Variants in DST observed in about 807,000 individuals in gnomAD.
DST encodes dystonin.
In DST, 253 loss-of-function variants were observed where a neutral mutation model predicts 875.2. The ratio of observed to expected loss-of-function variants is 0.29; its 90% confidence interval spans 0.26 to 0.32. DST has a LOEUF of 0.32. Ranked by LOEUF, DST falls within the 10% of genes least tolerant of loss-of-function variation. The probability of loss-of-function intolerance (pLI) is 1.00; values close to 1 mark genes in which losing one functional copy is unlikely to be tolerated. For synonymous variants in DST, 3,124 were observed against 3,197.1 expected (o/e 0.98, Z 0.77); for missense variants, 8,287 against 9,111.6 (o/e 0.91, Z 3.68).
At position 56,602,912 on chromosome 6, in the gene DST, C is replaced by T. The variant is rs2098459007; in HGVS notation, c.11277G>A (p.Glu3759=). The T allele has an allele frequency of 6.4e-7, 1 of 1,561,932 alleles. No homozygotes were observed. The change falls in exon 43 of 104, where the codon GAG becomes GAA. Residue 3759 remains glutamate (E), a synonymous_variant. Transcript: ENST00000680361. The part of the protein sequence containing the change: ...DIEIVNVQDS[E]YVKKRLEFLK... The stretch of plus-strand genomic sequence containing the variant: ...GAAACTCCAAACGTTTCTTTACATA[C>T]TCAGAATCTTGAACATTCACAATCT...
intron 4 of DST, among the ~76,000 whole-genome samples, chr6:56,832,028 G>C (rs1011267879): frequency 6.6e-6 from 1 of 152,100 alleles, no homozygotes; most frequent in Non-Finnish European, 1.5e-5. Flanking sequence ...AAATGGAAAG[G>C]GATATATAAG....
At chr6:56,796,015 G>A (rs565468277) in intron 4 of DST, among the ~76,000 whole-genome samples, 1 of 152,278 alleles carries the variant, frequency 6.6e-6, no homozygotes, top group East Asian at 1.9e-4. Context: ...GGATCCAGCA[G>A]AAAGGGATCT....
intron 5 of DST, among the ~76,000 whole-genome samples, chr6:56,721,889 G>A (rs1191183632): frequency 6.6e-6 from 1 of 152,146 alleles, no homozygotes; most frequent in East Asian, 1.9e-4. Flanking sequence ...CTAAGGCAGA[G>A]GTCAGCAAAC....
intron 4 of DST, among the ~76,000 whole-genome samples, chr6:56,800,698 TAAAAAATAAAAACAA>T (rs1230818069): frequency 3.3e-5 from 5 of 151,874 alleles, no homozygotes; most frequent in African/African-American, 9.7e-5. Context: ...AACAACCTGA[TAAAAAATAAAAACAA>T]AAAAAATAAA....
chr6:56,674,622 C>A (rs1000698984), intron 9 of DST, among the ~76,000 whole-genome samples: 1 of 152,090 alleles, frequency 6.6e-6, no homozygotes, highest in Non-Finnish European at 1.5e-5. Context: ...TTAAAACTTA[C>A]ATAATAACAA....
chr6:56,473,997 G>A lies in DST; in HGVS notation c.21870C>T (p.Phe7290=). The change falls in exon 93 of 104, where the codon TTC becomes TTT. Residue 7290 remains phenylalanine (F), a synonymous_variant. Coordinates refer to ENST00000680361, the MANE Select transcript of DST (RefSeq NM_001374736.1). The stretch of plus-strand genomic sequence containing the variant: ...GCTGTTTTCTGGTCATTTCCTCCAT[G>A]AAGGTCTGAAATGAAAGAAATGATG... ...VKALIAEHQT[F]MEEMTRKQPD... 6.4e-7 allele frequency: 1 copy of A among 1,574,174 alleles called. No individual in the cohort carries two copies. Among genetic ancestry groups the A allele is most frequent in the Non-Finnish European group, 8.6e-7 (1 of 1,157,710 alleles).
chr6:56,487,028 G>T (rs917117523), intron 87 of DST, 76 bp downstream of exon 87: 20 of 1,429,554 alleles, frequency 1.4e-5, no homozygotes, highest in Middle Eastern at 1.8e-4. Flanking sequence ...TTCCCGAAAT[G>T]TCCCCGCAAA....
intron 4 of DST, among the ~76,000 whole-genome samples, chr6:56,763,637 G>A (rs971716838): frequency 6.7e-6 from 1 of 148,946 alleles, no homozygotes; most frequent in East Asian, 2.0e-4. Context: ...ACACCACTGC[G>A]CTCCAGCCGA....
chr6:56,648,725 G>A, intron 12 of DST, 36 bp from the exon 13 acceptor site: 2 of 1,512,266 alleles, frequency 1.3e-6, no homozygotes, highest in Non-Finnish European at 1.8e-6. Flanking sequence ...GTTCACATCT[G>A]TAGATAATAA....
At chr6:56,831,443 A>T (rs146391571) in intron 4 of DST, among the ~76,000 whole-genome samples, 32 of 152,266 alleles carry the variant, frequency 2.1e-4, no homozygotes, top group Non-Finnish European at 1.8e-4. Context: ...CTCTGTCTGC[A>T]CCATCCACCC....
chr6:56,793,727 A>C (rs1386438668), intron 4 of DST, among the ~76,000 whole-genome samples: 1 of 152,196 alleles, frequency 6.6e-6, no homozygotes, highest in Non-Finnish European at 1.5e-5. Context: ...TAATACAATC[A>C]ATTTACCAAA....
intron 3 of DST, chr6:56,863,300 C>G (rs1772278249): frequency 6.6e-6 from 1 of 152,172 alleles, no homozygotes; most frequent in Admixed American, 6.5e-5. Flanking sequence ...TTTTGGGGAA[C>G]ATAATAGTCA....
chr6:56,778,931 T>TA (rs2099685794), intron 4 of DST, among the ~76,000 whole-genome samples: 1 of 152,088 alleles, frequency 6.6e-6, no homozygotes, highest in South Asian at 2.1e-4. Flanking sequence ...ATGGTATTTC[T>TA]AGTTCTAGAT....
rs1337989971 is a variant in DST at position 56,472,071 on chromosome 6, G to C, written c.22146C>G (p.Asp7382Glu). ...ERRRKLNDAL[D>E]RLEELREFAN... is the part of the protein sequence containing the mutation. ...TGAATTTCCAAACCTCCTCTAGTCT[G>C]TCCAAGGCATCATTGAGTTTCCTCC... is the stretch of plus-strand genomic sequence containing the variant. The change falls in exon 94 of 104, where the codon GAC (aspartate) becomes GAG (glutamate). Residue 7382 changes from aspartate to glutamate, a missense_variant. By Grantham distance (45) the Asp-to-Glu change is conservative (BLOSUM62 2). Coordinates refer to ENST00000680361, the MANE Select transcript of DST (RefSeq NM_001374736.1). 1 of 1,613,822 alleles carries C rather than the reference G, an allele frequency of 6.2e-7. No homozygotes were observed. The highest frequency in any genetic ancestry group is 1.7e-5 in the Admixed American group (1 of 59,994).
chr6:56,560,627 C>G (rs1418355103), intron 57 of DST, among the ~76,000 whole-genome samples: 1 of 152,050 alleles, frequency 6.6e-6, no homozygotes, highest in Non-Finnish European at 1.5e-5. Context: ...GGAATCCCCA[C>G]AGAGGAACAC....
At position 56,827,245 on chromosome 6, in the gene DST, G is replaced by A. The variant is rs1224511906; in HGVS notation, c.625+24152C>T. The stretch of plus-strand genomic sequence containing the variant: ...AAATGGTAAAACAGGGCCGGGCGCG[G>A]TGGCTCTCGCCTGTAATCCCAGCAC... On this transcript the variant is annotated intron_variant, in intron 4 of 103. Transcript: ENST00000680361. Among the ~76,000 whole-genome samples, 3 of 152,134 alleles carry A rather than the reference G, an allele frequency of 2.0e-5. No individual in the cohort carries two copies. In the East Asian group the frequency reaches 5.8e-4, roughly 29 times the overall value.
At chr6:56,572,507 C>T (rs925293108) in intron 52 of DST, among the ~76,000 whole-genome samples, 7 of 152,064 alleles carry the variant, frequency 4.6e-5, no homozygotes, top group Non-Finnish European at 7.4e-5. Flanking sequence ...GCTTCTGGTA[C>T]GTAAGATGAT....
At position 56,618,080 on chromosome 6, in the gene DST, A is replaced by G. The variant is rs1563223534; in HGVS notation, c.4930-3596T>C. ...AGAATTGTTCAGGGCTTGGTCTCTT[A>G]TCTTCTCAATTTCAGACAGTCTTGT... On this transcript the variant is annotated intron_variant, in intron 36 of 103. Coordinates refer to ENST00000680361, the MANE Select transcript of DST (RefSeq NM_001374736.1). The G allele has an allele frequency of 1.9e-6, 3 of 1,614,140 alleles. No homozygotes were observed. The Admixed American group carries it at 5.0e-5, about 27-fold the overall frequency.
chr6:56,749,898 G>C (rs760037505), intron 4 of DST, among the ~76,000 whole-genome samples: 75 of 152,228 alleles, frequency 4.9e-4, no homozygotes, highest in Non-Finnish European at 9.6e-4. Context: ...AGCTGGTATG[G>C]ACAACTGCTT....
Sources: gnomAD v4.1 joint callset for allele counts (sites outside exome capture counted in the v4.1 genomes callset) on GRCh38, gnomAD v4.1.1 for gene constraint, MANE v1.5 for transcripts, NCBI Gene and HGNC (gene_info 2026-07-23, HGNC 2026-07-21) for gene names.